The following ATF6 variants were observed in gnomAD, a reference collection of about 807,000 sequenced individuals.
ATF6 encodes activating transcription factor 6, also known as cyclic AMP-dependent transcription factor ATF-6 alpha.
ATF6 carries 53 observed loss-of-function variants against 83.6 expected under a neutral mutation model. The ratio of observed to expected loss-of-function variants is 0.63; its 90% CI spans 0.51 to 0.80. The LOEUF is 0.80. Among genes scored for constraint, ATF6 ranks in the 30% least tolerant of loss-of-function variants. The pLI, the probability that ATF6 is intolerant of heterozygous loss-of-function variation, is 0.00. For missense variants in ATF6, 744 were observed against 797.9 expected (o/e 0.93, Z 0.81); for synonymous variants, 288 against 285.8 (o/e 1.01, Z -0.08).
intron 7 of ATF6, among the ~76,000 whole-genome samples, chr1:161,815,716 G>T (rs1425045907): frequency 6.6e-6 from 1 of 152,080 alleles, no homozygotes; most frequent in Non-Finnish European, 1.5e-5. Context: ...GCTGAAGCAG[G>T]AGGATTGTTT....
chr1:161,950,494 C>G (rs977452869), intron 15 of ATF6, among the ~76,000 whole-genome samples: 1 of 152,176 alleles, frequency 6.6e-6, no homozygotes, highest in African/African-American at 2.4e-5. Context: ...GGACGTGCTT[C>G]TGAACATTGG....
intron 15 of ATF6, among the ~76,000 whole-genome samples, chr1:161,935,408 G>A (rs1321979167): frequency 2.6e-5 from 4 of 152,180 alleles, no homozygotes; most frequent in Non-Finnish European, 5.9e-5. Flanking sequence ...GCCATTTGAA[G>A]ACACAGTGAG....
chr1:161,851,682 T>G, intron 10 of ATF6, 40 bp from the exon 11 acceptor site: 1 of 1,436,794 alleles, frequency 7.0e-7, no homozygotes, highest in Non-Finnish European at 9.7e-7. Flanking sequence ...CTTAGGAATT[T>G]AAGATACAAG....
intron 15 of ATF6, among the ~76,000 whole-genome samples, chr1:161,928,751 C>T (rs1156235910): frequency 6.6e-6 from 1 of 152,138 alleles, no homozygotes; most frequent in Non-Finnish European, 1.5e-5. Flanking sequence ...AATAAACTGT[C>T]TTCTCACTAA....
intron 7 of ATF6, among the ~76,000 whole-genome samples, chr1:161,818,394 G>T (rs908518719): frequency 2.6e-5 from 4 of 152,146 alleles, no homozygotes; most frequent in Non-Finnish European, 4.4e-5. Context: ...CGCTCAGTAA[G>T]TTTCTGTTGT....
intron 12 of ATF6, among the ~76,000 whole-genome samples, chr1:161,859,075 G>A (rs1166251638): frequency 1.3e-5 from 2 of 152,060 alleles, no homozygotes; most frequent in East Asian, 3.8e-4. Flanking sequence ...ATGCCAGTAA[G>A]TATAGTATTT....
chr1:161,895,468 ATAT>A (rs940697261), intron 14 of ATF6, among the ~76,000 whole-genome samples: 1 of 152,308 alleles, frequency 6.6e-6, no homozygotes, highest in Non-Finnish European at 1.5e-5. Context: ...ATCCAATCTA[ATAT>A]TATAACTTCG....
chr1:161,908,563 G>A (rs779377011), intron 14 of ATF6, among the ~76,000 whole-genome samples: 15 of 148,206 alleles, frequency 1.0e-4, no homozygotes, highest in Non-Finnish European at 2.1e-4. Context: ...CTTTTTCTGG[G>A]AATAAGAGTA....
intron 7 of ATF6, among the ~76,000 whole-genome samples, chr1:161,811,783 C>A (rs1276530288): frequency 6.8e-6 from 1 of 147,544 alleles, no homozygotes; most frequent in South Asian, 2.2e-4. Flanking sequence ...ATCCATCCAT[C>A]CATCCATATA....
chr1:161,817,990 A>G (rs2101780516), intron 7 of ATF6, among the ~76,000 whole-genome samples: 1 of 151,428 alleles, frequency 6.6e-6, no homozygotes, highest in Non-Finnish European at 1.5e-5. Flanking sequence ...AGTCCCAGCT[A>G]CTCGGGAGGC....
At chr1:161,954,674 T>G (rs780484162) in intron 15 of ATF6, among the ~76,000 whole-genome samples, 27 of 152,034 alleles carry the variant, frequency 1.8e-4, no homozygotes, top group Non-Finnish European at 3.2e-4. Flanking sequence ...TTGCCTAGAG[T>G]TTTTCCACCT....
At chr1:161,806,910 G>T (rs1260289390) in intron 7 of ATF6, among the ~76,000 whole-genome samples, 1 of 152,120 alleles carries the variant, frequency 6.6e-6, no homozygotes, top group Non-Finnish European at 1.5e-5. Context: ...GGTATTTTTA[G>T]TATTGTTCTA....
At chr1:161,871,796 T>C (rs1366009639) in intron 14 of ATF6, among the ~76,000 whole-genome samples, 1 of 151,654 alleles carries the variant, frequency 6.6e-6, no homozygotes, top group Non-Finnish European at 1.5e-5. Context: ...AAAGTTAATG[T>C]AGATTTGCTT....
At position 161,853,280 on chromosome 1, in the gene ATF6, CAAG is replaced by C. The variant is rs759467540; in HGVS notation, c.1496_1498del (p.Arg499del). 3.5e-5 allele frequency: 57 copies of C among 1,613,646 alleles called. No individual in the cohort carries two copies. Among genetic ancestry groups the C allele is most frequent in the Admixed American group, 1.2e-4 (7 of 59,994 alleles). ...AGACATGAAGTAGAAAGGACCAAGT[CAAG>C]AAGAATGACAAATAATCAACAGAAA... On this transcript the variant is annotated inframe_deletion, in exon 12 of 16. Coordinates refer to ENST00000367942, the MANE Select transcript of ATF6 (RefSeq NM_007348.4).
intron 15 of ATF6, among the ~76,000 whole-genome samples, chr1:161,924,798 A>C (rs1688278469): frequency 6.6e-6 from 1 of 152,136 alleles, no homozygotes; most frequent in Non-Finnish European, 1.5e-5. Context: ...TATGGTATGG[A>C]TTAGGACAAA....
chr1:161,842,635 C>G (rs1444186956), intron 9 of ATF6, among the ~76,000 whole-genome samples: 2 of 152,164 alleles, frequency 1.3e-5, no homozygotes, highest in Non-Finnish European at 2.9e-5. Context: ...GCGTTATATT[C>G]TCACTCATAA....
chr1:161,912,639 T>C (rs996051491), intron 15 of ATF6, among the ~76,000 whole-genome samples: 5 of 152,178 alleles, frequency 3.3e-5, no homozygotes, highest in African/African-American at 1.2e-4. Context: ...CTCTACAGAC[T>C]TGCATCTGCG....
chr1:161,799,378 T>C (rs1036468197), intron 6 of ATF6, among the ~76,000 whole-genome samples: 5 of 152,080 alleles, frequency 3.3e-5, no homozygotes, highest in South Asian at 2.1e-4. Context: ...GAGTTATACA[T>C]TGAGTACACA....
chr1:161,817,987 G>A (rs1305432637), intron 7 of ATF6, among the ~76,000 whole-genome samples: 2 of 151,594 alleles, frequency 1.3e-5, no homozygotes, highest in Non-Finnish European at 2.9e-5. Context: ...TGTAGTCCCA[G>A]CTACTCGGGA....
Sources: gnomAD v4.1 joint callset for allele counts (sites outside exome capture counted in the v4.1 genomes callset) on GRCh38, gnomAD v4.1.1 for gene constraint, MANE v1.5 for transcripts, NCBI Gene and HGNC (gene_info 2026-07-23, HGNC 2026-07-21) for gene names.